The following THEM4 variants were observed in gnomAD, a reference collection of about 807,000 sequenced individuals.
THEM4 encodes the protein acyl-coenzyme A thioesterase THEM4.
A neutral mutation model predicts 25.0 loss-of-function variants in THEM4; 22 were observed. That is an observed-to-expected ratio of 0.88 (90% confidence interval 0.63 to 1.26). The LOEUF (loss-of-function observed/expected upper bound fraction) is 1.26, where lower values mean the gene tolerates loss of function less well. Ranked by LOEUF, THEM4 falls within the 50% of genes most tolerant of loss-of-function variation. The pLI is 0.00. For missense variants in THEM4, 286 were observed against 300.3 expected (o/e 0.95, Z 0.35); for synonymous variants, 113 against 105.6 (o/e 1.07, Z -0.43).
intron 1 of THEM4, among the ~76,000 whole-genome samples, chr1:151,897,274 T>A (rs545277646): frequency 6.6e-6 from 1 of 152,208 alleles, no homozygotes; most frequent in South Asian, 2.1e-4. Flanking sequence ...CACTGCACCA[T>A]AAAACCAAAA....
At position 151,876,992 on chromosome 1, in the gene THEM4, G is replaced by A; in HGVS notation, c.682+9C>T. 1 of 1,602,268 alleles carries A rather than the reference G, an allele frequency of 6.2e-7. No individual in the cohort carries two copies. The highest frequency in any genetic ancestry group is 8.5e-7 in the Non-Finnish European group (1 of 1,176,338). On this transcript the variant is annotated intron_variant, in intron 5 of 5. Coordinates refer to ENST00000368814, the MANE Select transcript of THEM4 (RefSeq NM_053055.5). ...AAACCCCAAGAAAGAGATAAGACCAGCTTCTTACTTGTCGCCTCTGAGTAT... is the reference window on the plus strand; with the variant it reads ...AAACCCCAAGAAAGAGATAAGACCAACTTCTTACTTGTCGCCTCTGAGTAT...
rs1389583546 is a variant in THEM4, at chr1:151,909,408, C to G, written c.51G>C (p.Leu17=). ...ARLRTLGALC[L]PPVGRRLPGS... is the part of the protein sequence containing the mutation. ...CCGGCAGGCGCCGGCCTACTGGCGG[C>G]AGGCACAGAGCCCCCAGCGTGCGGA... is the stretch of plus-strand genomic sequence containing the variant. Residue 17 remains leucine, a synonymous_variant, in exon 1 of 6, where the codon CTG becomes CTC. Transcript: ENST00000368814. The G allele has an allele frequency of 3.3e-6, 5 of 1,503,300 alleles. No individual in the cohort carries two copies. Among genetic ancestry groups the G allele is most frequent in the Non-Finnish European group, 4.4e-6 (5 of 1,132,898 alleles). 93.1% of individuals were successfully genotyped at this position (1,503,300 alleles called of 1,614,324 possible).
chr1:151,879,946 G>A (rs1171248436), intron 4 of THEM4, among the ~76,000 whole-genome samples: 1 of 151,852 alleles, frequency 6.6e-6, no homozygotes, highest in Non-Finnish European at 1.5e-5. Flanking sequence ...TTGAGCCACC[G>A]TGCCTGGCCT....
At chr1:151,908,634 T>C (rs531953016) in intron 1 of THEM4, among the ~76,000 whole-genome samples, 16 of 152,360 alleles carry the variant, frequency 1.1e-4, no homozygotes, top group Middle Eastern at 3.4e-3. Context: ...TAAAAGTAGA[T>C]ATCTAAGTTG....
At chr1:151,898,876 G>GA (rs1047568521) in intron 1 of THEM4, among the ~76,000 whole-genome samples, 1 of 152,224 alleles carries the variant, frequency 6.6e-6, no homozygotes, top group Non-Finnish European at 1.5e-5. Context: ...ACATCCACAG[G>GA]AAAAGGGGGA....
At chr1:151,878,317 G>C (rs1426849729) in intron 4 of THEM4, among the ~76,000 whole-genome samples, 1 of 152,164 alleles carries the variant, frequency 6.6e-6, no homozygotes, top group African/African-American at 2.4e-5. Flanking sequence ...GACCAGTTGT[G>C]GGGGTGGGCA....
intron 4 of THEM4, among the ~76,000 whole-genome samples, chr1:151,882,877 A>ATT (rs1653875808): frequency 6.6e-6 from 1 of 152,118 alleles, no homozygotes; most frequent in East Asian, 1.9e-4. Flanking sequence ...AGTTTGCATT[A>ATT]GTTTATTTTC....
intron 4 of THEM4, among the ~76,000 whole-genome samples, chr1:151,883,256 A>G (rs1653886886): frequency 6.6e-6 from 1 of 151,836 alleles, no homozygotes; most frequent in South Asian, 2.1e-4. Context: ...GATTATAGGC[A>G]TACACCACCA....
intron 5 of THEM4, among the ~76,000 whole-genome samples, chr1:151,875,675 C>A (rs1173429838): frequency 6.6e-6 from 1 of 151,936 alleles, no homozygotes; most frequent in Non-Finnish European, 1.5e-5. Flanking sequence ...AGACACTCAA[C>A]CACACAGGTA....
At chr1:151,896,564 T>C (rs914768042) in intron 1 of THEM4, among the ~76,000 whole-genome samples, 2 of 152,188 alleles carry the variant, frequency 1.3e-5, no homozygotes, top group African/African-American at 2.4e-5. Flanking sequence ...TAAAAGAAGT[T>C]TGGCATTATT....
chr1:151,891,454 T>C (rs1285041439), intron 2 of THEM4: 4 of 152,178 alleles, frequency 2.6e-5, no homozygotes, highest in African/African-American at 9.7e-5. Context: ...AGATGGCAGA[T>C]GGTTGGATTC....
chr1:151,888,588 T>C lies in THEM4; in HGVS notation c.447-205A>G, dbSNP rs570170749. The stretch of plus-strand genomic sequence containing the variant: ...AGCATAATAATATAGTCTTAAGTAT[T>C]TGTAATAAAACCAGAACTTAATAGT... On this transcript the variant is annotated intron_variant, in intron 3 of 5. Coordinates refer to ENST00000368814, the MANE Select transcript of THEM4 (RefSeq NM_053055.5). Among the ~76,000 whole-genome samples, 64 of 152,346 alleles carry C rather than the reference T, an allele frequency of 4.2e-4. 1 individual carries two copies. Among genetic ancestry groups the C allele is most frequent in the African/African-American group, 1.5e-3 (61 of 41,570 alleles).
rs200698202 is a variant in THEM4 at position 151,895,082 on chromosome 1, C to T, written c.212G>A (p.Gly71Asp). The T allele has an allele frequency of 6.2e-7, 1 of 1,614,038 alleles. No homozygotes were observed. The highest frequency in any genetic ancestry group is 2.2e-5 in the East Asian group (1 of 44,882). ...ATATGAAGGCAAACGTTTCCAGGAG[C>T]CGTCTTCACATTTCTTCATAAACTG... ...FDQFMKKCED[G>D]SWKRLPSYKR... Residue 71 changes from glycine (G) to aspartate (D), a missense_variant, in exon 2 of 6, where the codon GGC becomes GAC. By Grantham distance (94) the Gly-to-Asp change is moderately conservative (BLOSUM62 -1). Transcript: ENST00000368814.
At chr1:151,889,693 C>T (rs1351154167) in intron 2 of THEM4, 1 of 202,644 alleles carries the variant, frequency 4.9e-6, no homozygotes, top group African/African-American at 2.3e-5. Flanking sequence ...AGACGGAAAT[C>T]CTTCTTGGAA....
intron 5 of THEM4, among the ~76,000 whole-genome samples, chr1:151,876,693 C>G (rs577685995): frequency 6.6e-6 from 1 of 152,224 alleles, no homozygotes; most frequent in African/African-American, 2.4e-5. Context: ...AAGTGATCCT[C>G]CCACCTTAGC....
intron 4 of THEM4, among the ~76,000 whole-genome samples, chr1:151,885,055 CATT>C (rs1558190043): frequency 2.0e-5 from 3 of 151,574 alleles, no homozygotes; most frequent in South Asian, 4.2e-4. Context: ...TATAGTTTAT[CATT>C]GTTTTCTCTT....
intron 1 of THEM4, among the ~76,000 whole-genome samples, chr1:151,907,980 CGTTCCCT>C (rs1195996332): frequency 6.6e-6 from 1 of 152,170 alleles, no homozygotes; most frequent in East Asian, 1.9e-4. Flanking sequence ...GGCTGGCTGG[CGTTCCCT>C]ACCAGGTGCC....
At position 151,874,015 on chromosome 1, in the gene THEM4, A is replaced by C. The variant is rs890896470; in HGVS notation, c.*873T>G. The C allele has an allele frequency of 6.6e-6, 1 of 152,234 alleles. No individual in the cohort carries two copies. The highest frequency in any genetic ancestry group is 1.5e-5 in the Non-Finnish European group (1 of 68,054). 9.4% of individuals were successfully genotyped at this position (152,234 alleles called of 1,614,324 possible). ...GAACACAGGCTCCTTCCAGTGATGAAAACCTATGCTGTTGGTAAGAAACAA... is the reference window on the plus strand; with the variant it reads ...GAACACAGGCTCCTTCCAGTGATGACAACCTATGCTGTTGGTAAGAAACAA... On this transcript the variant is annotated 3_prime_UTR_variant, in exon 6 of 6. Coordinates refer to ENST00000368814, the MANE Select transcript of THEM4 (RefSeq NM_053055.5).
intron 5 of THEM4, among the ~76,000 whole-genome samples, chr1:151,876,282 T>C (rs901303811): frequency 6.6e-6 from 1 of 152,350 alleles, no homozygotes; most frequent in South Asian, 2.1e-4. Context: ...TATTGATGGA[T>C]AGCTATGTTT....
Sources: gnomAD v4.1 joint callset for allele counts (sites outside exome capture counted in the v4.1 genomes callset) on GRCh38, gnomAD v4.1.1 for gene constraint, MANE v1.5 for transcripts, NCBI Gene and HGNC (gene_info 2026-07-23, HGNC 2026-07-21) for gene names.